The following SNTG1 variants were observed in gnomAD, a reference collection of about 807,000 sequenced individuals.
SNTG1 encodes the protein gamma-1-syntrophin.
Under a neutral mutation model 74.7 loss-of-function variants are expected in SNTG1, and 39 were observed. The ratio of observed to expected loss-of-function variants is 0.52; its 90% CI spans 0.40 to 0.68. SNTG1 has a LOEUF of 0.68. Ranked by LOEUF, SNTG1 falls within the 30% of genes least tolerant of loss-of-function variation. SNTG1 has a pLI of 0.00. For synonymous variants in SNTG1, 254 were observed against 217.1 expected, an observed-to-expected ratio of 1.17 and a Z score of -1.49; for missense variants, 685 against 609.5, an observed-to-expected ratio of 1.12 and a Z score of -1.30.
At chr8:50,107,042 G>A (rs2080399569) in intron 1 of SNTG1, among the ~76,000 whole-genome samples, 1 of 152,124 alleles carries the variant, frequency 6.6e-6, no homozygotes, top group African/African-American at 2.4e-5. Context: ...TGAAGCTCCA[G>A]GGTGCCCAGC....
chr8:50,621,520 A>G (rs754724415), intron 13 of SNTG1, among the ~76,000 whole-genome samples: 126 of 152,366 alleles, frequency 8.3e-4, no homozygotes, highest in Non-Finnish European at 1.2e-3. Flanking sequence ...AAGCAAAGAT[A>G]TCAATTGCTT....
At chr8:50,537,734 A>G (rs2094318052) in intron 11 of SNTG1, among the ~76,000 whole-genome samples, 1 of 152,124 alleles carries the variant, frequency 6.6e-6, no homozygotes, top group Non-Finnish European at 1.5e-5. Flanking sequence ...TCCTGTAAAG[A>G]GCTGTATAGT....
intron 3 of SNTG1, among the ~76,000 whole-genome samples, chr8:50,397,108 T>C (rs2092737560): frequency 6.6e-6 from 1 of 152,208 alleles, no homozygotes; most frequent in Non-Finnish European, 1.5e-5. Context: ...AGAAGAAGAA[T>C]ATTTTACTTA....
chr8:50,170,513 GA>G lies in SNTG1; in HGVS notation c.-102-2047del, dbSNP rs542543806. ...GAATCACATGTATGACATATGTGGG[GA>G]TACAGTAATAATAGAGTGAGGCATA... is the stretch of plus-strand genomic sequence containing the variant. On this transcript the variant is annotated intron_variant, in intron 1 of 18. Transcript: ENST00000642720. Among the ~76,000 whole-genome samples the G allele has an allele frequency of 8.5e-5, 13 of 152,154 alleles. No homozygotes were observed. The South Asian group carries it at 2.7e-3, about 32-fold the overall frequency.
At chr8:50,119,678 TA>T (rs1264586236) in intron 1 of SNTG1, among the ~76,000 whole-genome samples, 2 of 141,890 alleles carry the variant, frequency 1.4e-5, no homozygotes, top group Non-Finnish European at 3.1e-5. Flanking sequence ...AGCTAGCTAT[TA>T]TTTTTTATCA....
At chr8:50,103,465 G>T (rs1253822541) in intron 1 of SNTG1, among the ~76,000 whole-genome samples, 2 of 152,198 alleles carry the variant, frequency 1.3e-5, no homozygotes, top group East Asian at 1.9e-4. Context: ...TTTGGGCTGA[G>T]ATGATGGGGT....
intron 1 of SNTG1, among the ~76,000 whole-genome samples, chr8:50,014,620 G>T (rs888527827): frequency 2.6e-5 from 4 of 152,116 alleles, no homozygotes; most frequent in African/African-American, 7.2e-5. Flanking sequence ...GTAATACGCT[G>T]CCTGAAGTTG....
At chr8:50,375,184 T>C (rs1342449961) in intron 2 of SNTG1, among the ~76,000 whole-genome samples, 1 of 152,156 alleles carries the variant, frequency 6.6e-6, no homozygotes, top group South Asian at 2.1e-4. Context: ...GCATGCTCCT[T>C]ATAAAATGAG....
chr8:50,079,410 GT>G (rs557487549), intron 1 of SNTG1, among the ~76,000 whole-genome samples: 44 of 145,244 alleles, frequency 3.0e-4, no homozygotes, highest in African/African-American at 4.5e-4. Context: ...GGGGTTGTTT[GT>G]TTTTTTTTTT....
intron 2 of SNTG1, among the ~76,000 whole-genome samples, chr8:50,341,161 C>G (rs1372921303): frequency 1.3e-5 from 2 of 151,984 alleles, no homozygotes; most frequent in Admixed American, 6.5e-5. Context: ...TAGTACCAAG[C>G]CTCCTTAAAG....
rs1268358237 is a variant in SNTG1 at position 50,187,816 on chromosome 8, G to A, written c.-28+15181G>A. Among the ~76,000 whole-genome samples the A allele has an allele frequency of 2.0e-5, 3 of 152,164 alleles. No homozygotes were observed. The South Asian group carries it at 6.2e-4, about 32-fold the overall frequency. ...GAAAGCAAATCAATACCTGTAGTAA[G>A]TATTCCACTATGAACAAAGCTCTGC... On this transcript the variant is annotated intron_variant, in intron 2 of 18. Coordinates refer to ENST00000642720, the MANE Select transcript of SNTG1 (RefSeq NM_018967.5).
At chr8:50,682,650 C>T (rs1385268065) in intron 15 of SNTG1, among the ~76,000 whole-genome samples, 8 of 152,132 alleles carry the variant, frequency 5.3e-5, no homozygotes, top group Non-Finnish European at 8.8e-5. Flanking sequence ...ACATTTCCCA[C>T]CTGGTTCCCA....
intron 13 of SNTG1, among the ~76,000 whole-genome samples, chr8:50,654,794 AT>A (rs2095170205): frequency 6.6e-6 from 1 of 152,168 alleles, no homozygotes; most frequent in Non-Finnish European, 1.5e-5. Context: ...GATCATCTCA[AT>A]GGCTTAAATC....
At chr8:50,026,974 C>T (rs1817318608) in intron 1 of SNTG1, among the ~76,000 whole-genome samples, 3 of 152,126 alleles carry the variant, frequency 2.0e-5, no homozygotes, top group Admixed American at 2.0e-4. Flanking sequence ...TTTCCATTCC[C>T]TCTGGGCAAA....
At chr8:50,578,550 A>T (rs2094589852) in intron 12 of SNTG1, among the ~76,000 whole-genome samples, 6 of 152,134 alleles carry the variant, frequency 3.9e-5, no homozygotes, top group Non-Finnish European at 1.5e-5. Context: ...CCCATATCTC[A>T]TCTTGAATTA....
intron 9 of SNTG1, among the ~76,000 whole-genome samples, chr8:50,525,433 C>T (rs1308934289): frequency 6.6e-6 from 1 of 152,078 alleles, no homozygotes; most frequent in Non-Finnish European, 1.5e-5. Flanking sequence ...AGATTTGGGA[C>T]ATTTTTGAAA....
intron 2 of SNTG1, among the ~76,000 whole-genome samples, chr8:50,393,939 G>A (rs2092694886): frequency 6.6e-6 from 1 of 152,198 alleles, no homozygotes; most frequent in African/African-American, 2.4e-5. Flanking sequence ...GAGTCTGAAT[G>A]CCTGCTGGCG....
chr8:50,557,928 G>C (rs900010512), intron 12 of SNTG1, among the ~76,000 whole-genome samples: 3 of 152,158 alleles, frequency 2.0e-5, no homozygotes, highest in African/African-American at 7.2e-5. Flanking sequence ...GGTGGGCCCA[G>C]AGCTTCTTGC....
intron 13 of SNTG1, among the ~76,000 whole-genome samples, chr8:50,606,247 G>C (rs1360938763): frequency 6.6e-6 from 1 of 152,030 alleles, no homozygotes; most frequent in Non-Finnish European, 1.5e-5. Flanking sequence ...TTATATTTAG[G>C]AAAGTTGACA....
Sources: gnomAD v4.1 joint callset for allele counts (sites outside exome capture counted in the v4.1 genomes callset) on GRCh38, gnomAD v4.1.1 for gene constraint, MANE v1.5 for transcripts, NCBI Gene and HGNC (gene_info 2026-07-23, HGNC 2026-07-21) for gene names.